Variants in PERCC1 observed in about 807,000 individuals in gnomAD.
PERCC1 encodes proline and glutamate rich with coiled coil 1.
intron 1 of PERCC1, among the ~76,000 whole-genome samples, chr16:1,432,056 C>T (rs1306756205): frequency 2.7e-5 from 4 of 149,784 alleles, no homozygotes; most frequent in Admixed American, 6.6e-5. Context: ...AGCCCCAGCC[C>T]GGGACCCAGC....
intron 1 of PERCC1, among the ~76,000 whole-genome samples, chr16:1,431,936 A>T (rs905613885): frequency 6.6e-6 from 1 of 151,950 alleles, no homozygotes; most frequent in Non-Finnish European, 1.5e-5. Context: ...CTCCCTTGGG[A>T]CTGTGATGGC....
In PERCC1 at chr16:1,433,200, G is replaced by A. The variant is rs930216208; in HGVS notation, c.607G>A (p.Gly203Ser). The change falls in exon 2 of 2, where the codon GGC becomes AGC. Residue 203 changes from glycine to serine, a missense_variant. Physicochemically the swap from Gly to Ser is moderately conservative, Grantham distance 56. Transcript: ENST00000640283. ...GWSLTLERKY[G>S]HITPMAQRKL... ...GAGCCTGACGCTGGAGCGGAAGTAC[G>A]GCCACATCACCCCCATGGCCCAGAG... The A allele has an allele frequency of 1.8e-5, 7 of 398,668 alleles. No individual in the cohort carries two copies. The highest frequency in any genetic ancestry group is 4.4e-5 in the Admixed American group (1 of 22,734). The allele number at this position is 398,668 out of a possible 1,614,324, so 24.7% of individuals were successfully genotyped here.
In PERCC1 at chr16:1,432,585, C is replaced by A. The variant is rs929210196; in HGVS notation, c.-9C>A. 2.8e-5 allele frequency: 11 copies of A among 398,786 alleles called. No individual in the cohort carries two copies. Among genetic ancestry groups the A allele is most frequent in the African/African-American group, 1.9e-4 (9 of 48,610 alleles). 24.7% of individuals were successfully genotyped at this position (398,786 alleles called of 1,614,324 possible). A position where few individuals can be genotyped will look rare whatever the true frequency, so the allele number is the denominator to read the frequency against. The stretch of plus-strand genomic sequence containing the variant: ...CCCCGGAGGCCCCAGAAGCGTGGGA[C>A]GCGCGGAGATGGCCGCCGGTGTGAT... On this transcript the variant is annotated 5_prime_UTR_variant, in exon 2 of 2. Transcript: ENST00000640283.
intron 1 of PERCC1, 24 bp from the exon 2 acceptor site, chr16:1,432,523 C>T (rs994150365): frequency 1.0e-5 from 4 of 398,546 alleles, no homozygotes; most frequent in Non-Finnish European, 1.8e-5. Flanking sequence ...GACAGGGAAC[C>T]TGCCCCTCTG....
In PERCC1 at chr16:1,434,099, C is replaced by A. The variant is rs1459320777; in HGVS notation, c.*702C>A. On this transcript the variant is annotated 3_prime_UTR_variant, in exon 2 of 2. Coordinates refer to ENST00000640283, the MANE Select transcript of PERCC1 (RefSeq NM_001365310.2). ...AGCTCACAGCGGGTCCTGGCGGGGGCAGGCCTAGGTGCTTCTGCGCAGGCC... is the reference window on the plus strand; with the variant it reads ...AGCTCACAGCGGGTCCTGGCGGGGGAAGGCCTAGGTGCTTCTGCGCAGGCC... 6.6e-6 allele frequency among the ~76,000 whole-genome samples: 1 copy of A among 152,164 alleles called. No individual in the cohort carries two copies. The highest frequency in any genetic ancestry group is 1.5e-5 in the Non-Finnish European group (1 of 67,992).
chr16:1,432,291 C>T (rs1195918110), intron 1 of PERCC1, among the ~76,000 whole-genome samples: 3 of 130,220 alleles, frequency 2.3e-5, no homozygotes, highest in Non-Finnish European at 4.9e-5. Context: ...GCCAGCCGTC[C>T]AGCAGGTCTC....
At position 1,432,970 on chromosome 16, in the gene PERCC1, C is replaced by T; in HGVS notation, c.377C>T (p.Ala126Val). Reference protein sequence around the residue: ...YADSRPPRSTARELYYADLVR... With the variant: ...YADSRPPRSTVRELYYADLVR... Reference sequence around the variant, plus strand: ...GACAGCCGCCCACCCCGCAGCACTGCCCGGGAGCTCTACTATGCGGACCTG... The same window carrying T: ...GACAGCCGCCCACCCCGCAGCACTGTCCGGGAGCTCTACTATGCGGACCTG... The change falls in exon 2 of 2, where the codon GCC (alanine) becomes GTC (valine). Residue 126 changes from alanine to valine, a missense_variant. Coordinates refer to ENST00000640283, the MANE Select transcript of PERCC1 (RefSeq NM_001365310.2). The T allele has an allele frequency of 2.5e-6, 1 of 398,956 alleles. No individual in the cohort carries two copies. The highest frequency in any genetic ancestry group is 4.4e-6 in the Non-Finnish European group (1 of 226,180). The allele number at this position is 398,956 out of a possible 1,614,324, so 24.7% of individuals were successfully genotyped here. A position where few individuals can be genotyped will look rare whatever the true frequency, so the allele number is the denominator to read the frequency against.
chr16:1,432,255 C>T (rs2142347236), intron 1 of PERCC1, among the ~76,000 whole-genome samples: 1 of 152,270 alleles, frequency 6.6e-6, no homozygotes, highest in South Asian at 2.1e-4. Context: ...CAGGACCCCA[C>T]TGCTCCCACC....
rs1017043669 is a variant in PERCC1, at chr16:1,432,786, C to T, written c.193C>T (p.Arg65Trp). 44 of 398,738 alleles carry T rather than the reference C, an allele frequency of 1.1e-4. No homozygotes were observed. The highest frequency in any genetic ancestry group is 1.3e-3 in the Middle Eastern group (2 of 1,598). The allele number at this position is 398,738 out of a possible 1,614,324, so 24.7% of individuals were successfully genotyped here. ...CGGCCGGATCCTCCCGAGCTCAGGCCGGGCAGAGGCCACGGAGGAAGCAGC... is the reference window on the plus strand; with the variant it reads ...CGGCCGGATCCTCCCGAGCTCAGGCTGGGCAGAGGCCACGGAGGAAGCAGC... ...GCGRILPSSG[R>W]AEATEEAAPE... The change falls in exon 2 of 2, where the codon CGG becomes TGG. Residue 65 changes from arginine (R) to tryptophan (W), a missense_variant. Physicochemically the swap from Arg to Trp is moderately radical, Grantham distance 101 (BLOSUM62 -3). Coordinates refer to ENST00000640283, the MANE Select transcript of PERCC1 (RefSeq NM_001365310.2).
chr16:1,433,036 C>A lies in PERCC1; in HGVS notation c.443C>A (p.Thr148Asn), dbSNP rs1353892151. The change falls in exon 2 of 2, where the codon ACC becomes AAC. Residue 148 changes from threonine to asparagine, a missense_variant. Coordinates refer to ENST00000640283, the MANE Select transcript of PERCC1 (RefSeq NM_001365310.2). ...GGCGGGTCCCTGGAGGACGAGGACA[C>A]CCCGGAGCCCAGGGTACCCCAAGGG... ...ARGGSLEDED[T>N]PEPRVPQGQV... 6 of 398,588 alleles carry A rather than the reference C, an allele frequency of 1.5e-5. No homozygotes were observed. Among genetic ancestry groups the A allele is most frequent in the African/African-American group, 6.2e-5 (3 of 48,616 alleles). The allele number at this position is 398,588 out of a possible 1,614,324, so 24.7% of individuals were successfully genotyped here. A position where few individuals can be genotyped will look rare whatever the true frequency, so the allele number is the denominator to read the frequency against.
Position 1,434,393 on chromosome 16 carries a change from A to G in PERCC1, c.*996A>G. The G allele has an allele frequency of 6.5e-7, 1 of 1,549,902 alleles. No individual in the cohort carries two copies. The highest frequency in any genetic ancestry group is 8.7e-7 in the Non-Finnish European group (1 of 1,146,682). On this transcript the variant is annotated 3_prime_UTR_variant, in exon 2 of 2. Transcript: ENST00000640283. ...TCAGGGAACCTCAGCTCTAATGAGT[A>G]CAAAGCCAGCACGTTTATTTCTGGA...
At chr16:1,432,135 G>C (rs1376306699) in intron 1 of PERCC1, among the ~76,000 whole-genome samples, 1 of 151,820 alleles carries the variant, frequency 6.6e-6, no homozygotes, top group African/African-American at 2.4e-5. Flanking sequence ...CTGGCTTCTC[G>C]AGGTCCCTTC....
rs370618058 is a variant in PERCC1 at position 1,433,039 on chromosome 16, C to T, written c.446C>T (p.Pro149Leu). 9 of 398,618 alleles carry T rather than the reference C, an allele frequency of 2.3e-5. No individual in the cohort carries two copies. The highest frequency in any genetic ancestry group is 8.8e-5 in the Admixed American group (2 of 22,712). The allele number at this position is 398,618 out of a possible 1,614,324, so 24.7% of individuals were successfully genotyped here. Reference sequence around the variant, plus strand: ...GGGTCCCTGGAGGACGAGGACACCCCGGAGCCCAGGGTACCCCAAGGGCAG... The same window carrying T: ...GGGTCCCTGGAGGACGAGGACACCCTGGAGCCCAGGGTACCCCAAGGGCAG... ...RGGSLEDEDT[P>L]EPRVPQGQVC... The change falls in exon 2 of 2, where the codon CCG becomes CTG. Residue 149 changes from proline to leucine, a missense_variant. Coordinates refer to ENST00000640283, the MANE Select transcript of PERCC1 (RefSeq NM_001365310.2).
chr16:1,432,109 A>G (rs1476690518), intron 1 of PERCC1, among the ~76,000 whole-genome samples: 1 of 151,740 alleles, frequency 6.6e-6, no homozygotes, highest in African/African-American at 2.4e-5. Context: ...GCCTGCAGGG[A>G]TCCCTGTTCC....
Position 1,433,033 on chromosome 16 carries a change from A to T in PERCC1, c.440A>T (p.Asp147Val). ...LARGGSLEDEDTPEPRVPQGQ... is the reference protein window; with the variant it reads ...LARGGSLEDEVTPEPRVPQGQ... ...CGTGGCGGGTCCCTGGAGGACGAGG[A>T]CACCCCGGAGCCCAGGGTACCCCAA... The change falls in exon 2 of 2, where the codon GAC becomes GTC. Residue 147 changes from aspartate to valine, a missense_variant. By Grantham distance (152) the Asp-to-Val change is radical. Coordinates refer to ENST00000640283, the MANE Select transcript of PERCC1 (RefSeq NM_001365310.2). 2.5e-6 allele frequency: 1 copy of T among 398,616 alleles called. No individual in the cohort carries two copies. The highest frequency in any genetic ancestry group is 4.4e-6 in the Non-Finnish European group (1 of 226,050). 24.7% of individuals were successfully genotyped at this position (398,616 alleles called of 1,614,324 possible). A position where few individuals can be genotyped will look rare whatever the true frequency, so the allele number is the denominator to read the frequency against.
chr16:1,432,140 C>T (rs1386861603), intron 1 of PERCC1, among the ~76,000 whole-genome samples: 1 of 152,066 alleles, frequency 6.6e-6, no homozygotes, highest in Admixed American at 6.5e-5. Flanking sequence ...TTCTCGAGGT[C>T]CCTTCCCCAG....
In PERCC1 at chr16:1,434,432, T is replaced by C. The variant is rs892156522; in HGVS notation, c.*1035T>C. 1.2e-4 allele frequency: 183 copies of C among 1,550,140 alleles called. No homozygotes were observed. Among genetic ancestry groups the C allele is most frequent in the Non-Finnish European group, 1.5e-4 (174 of 1,146,874 alleles). On this transcript the variant is annotated 3_prime_UTR_variant, in exon 2 of 2. Transcript: ENST00000640283. ...TTTATTTCTGGATAAACAGTGAGGG[T>C]GTGAGCTGCTGCACCTGCTCCTGGC...
Position 1,432,287 on chromosome 16 carries a change from C to T in PERCC1, c.-47-260C>T, listed in dbSNP as rs1200746396. ...CACCCAGTCACCATCCTGGGCCAGC[C>T]GTCCAGCAGGTCTCACAGCACCCCC... is the stretch of plus-strand genomic sequence containing the variant. On this transcript the variant is annotated intron_variant, in intron 1 of 1. Transcript: ENST00000640283. 5.8e-5 allele frequency among the ~76,000 whole-genome samples: 8 copies of T among 138,330 alleles called. 1 individual carries two copies. The highest frequency in any genetic ancestry group is 1.1e-4 in the African/African-American group (4 of 36,260). 90.7% of individuals were successfully genotyped at this position (138,330 alleles called of 152,430 possible). A position where few individuals can be genotyped will look rare whatever the true frequency, so the allele number is the denominator to read the frequency against.
Position 1,433,189 on chromosome 16 carries a change from A to C in PERCC1, c.596A>C (p.Glu199Ala), listed in dbSNP as rs948143256. 2.5e-6 allele frequency: 1 copy of C among 398,590 alleles called. No individual in the cohort carries two copies. The allele number at this position is 398,590 out of a possible 1,614,324, so 24.7% of individuals were successfully genotyped here. A position where few individuals can be genotyped will look rare whatever the true frequency, so the allele number is the denominator to read the frequency against. The change falls in exon 2 of 2, where the codon GAG becomes GCG. Residue 199 changes from glutamate to alanine, a missense_variant. Transcript: ENST00000640283. The stretch of plus-strand genomic sequence containing the variant: ...GCGGCCGGCTGGAGCCTGACGCTGG[A>C]GCGGAAGTACGGCCACATCACCCCC... The part of the protein sequence containing the change: ...RAAAGWSLTL[E>A]RKYGHITPMA...
Sources: allele counts gnomAD v4.1 joint callset (sites outside exome capture counted in the v4.1 genomes callset), GRCh38; gene constraint gnomAD v4.1.1; transcripts MANE v1.5; gene names NCBI Gene and HGNC (gene_info 2026-07-23, HGNC 2026-07-21).